Variants in ANKS1B observed in about 807,000 individuals in gnomAD.
ANKS1B encodes ankyrin repeat and sterile alpha motif domain containing 1B.
ANKS1B carries 36 observed loss-of-function variants against 148.3 expected under a neutral mutation model. The observed-to-expected ratio is 0.24, with a 90% CI of 0.19 to 0.32. The LOEUF (loss-of-function observed/expected upper bound fraction) is 0.32, where lower values mean the gene tolerates loss of function less well. ANKS1B is among the 10% of genes least tolerant of loss of function. The pLI is 1.00. For missense variants in ANKS1B, 1,157 were observed against 1,542.6 expected (o/e 0.75, Z 4.19); for synonymous variants, 542 against 560.8 (o/e 0.97, Z 0.47).
intron 8 of ANKS1B, among the ~76,000 whole-genome samples, chr12:99,709,977 A>C (rs117166700): frequency 0.052 from 7,952 of 152,172 alleles, 293 homozygotes; most frequent in Middle Eastern, 0.078. Context: ...TTCTTACTTC[A>C]TCCTCAGATG....
chr12:99,634,661 T>C (rs1351944164), intron 9 of ANKS1B, among the ~76,000 whole-genome samples: 6 of 152,168 alleles, frequency 3.9e-5, no homozygotes, highest in African/African-American at 1.4e-4. Flanking sequence ...AATCTAAAAC[T>C]GTAAAACTCT....
chr12:98,865,533 G>A (rs2099620025), intron 17 of ANKS1B, among the ~76,000 whole-genome samples: 1 of 152,282 alleles, frequency 6.6e-6, no homozygotes, highest in Non-Finnish European at 1.5e-5. Context: ...TATTCTAGCA[G>A]GGGAGAAGGA....
At chr12:99,503,746 T>C (rs2096678611) in intron 10 of ANKS1B, among the ~76,000 whole-genome samples, 1 of 152,022 alleles carries the variant, frequency 6.6e-6, no homozygotes, top group Non-Finnish European at 1.5e-5. Context: ...TATTCAAAAG[T>C]AAGTTGCGAC....
intron 12 of ANKS1B, among the ~76,000 whole-genome samples, chr12:99,268,424 T>A (rs2076680924): frequency 6.6e-6 from 1 of 152,168 alleles, no homozygotes; most frequent in Non-Finnish European, 1.5e-5. Flanking sequence ...CTTGGTTGAG[T>A]GAAAATCAGA....
chr12:99,630,572 C>T (rs913827444), intron 9 of ANKS1B, among the ~76,000 whole-genome samples: 3 of 152,206 alleles, frequency 2.0e-5, no homozygotes, highest in African/African-American at 7.2e-5. Context: ...TGAGTTTTCT[C>T]ATTTAAAAGG....
At chr12:99,539,370 TG>T (rs2097103595) in intron 9 of ANKS1B, among the ~76,000 whole-genome samples, 1 of 152,184 alleles carries the variant, frequency 6.6e-6, no homozygotes, top group Admixed American at 6.5e-5. Context: ...GAGGAAATAT[TG>T]GGGCAAAGTT....
At chr12:99,256,130 A>T (rs536675910) in intron 12 of ANKS1B, among the ~76,000 whole-genome samples, 1 of 152,056 alleles carries the variant, frequency 6.6e-6, no homozygotes, top group Admixed American at 6.6e-5. Context: ...CGTGCCTATA[A>T]TCCTAGCTAC....
chr12:99,259,184 C>A lies in ANKS1B; in HGVS notation c.1757-12320G>T, dbSNP rs1377352692. Among the ~76,000 whole-genome samples the A allele has an allele frequency of 2.0e-5, 3 of 152,188 alleles. No homozygotes were observed. In the East Asian group the frequency reaches 5.8e-4, roughly 29 times the overall value. On this transcript the variant is annotated intron_variant, in intron 12 of 26. Coordinates refer to ENST00000683438, the MANE Select transcript of ANKS1B (RefSeq NM_001352186.2). Reference sequence around the variant, plus strand: ...TACAATGCACCATCCACTGGAGTGTCCTATCCAAGTAGCACTGGAGCTTGA... The same window carrying A: ...TACAATGCACCATCCACTGGAGTGTACTATCCAAGTAGCACTGGAGCTTGA...
At chr12:99,402,893 G>A (rs1006268952) in intron 11 of ANKS1B, among the ~76,000 whole-genome samples, 5 of 144,888 alleles carry the variant, frequency 3.5e-5, no homozygotes, top group African/African-American at 7.9e-5. Context: ...AGGAATCACT[G>A]CATTCTCTTC....
chr12:98,887,732 T>C (rs1251718412), intron 17 of ANKS1B, among the ~76,000 whole-genome samples: 2 of 152,044 alleles, frequency 1.3e-5, no homozygotes, highest in Non-Finnish European at 2.9e-5. Context: ...CTCAGCCTCC[T>C]GAGTAGTTGG....
intron 10 of ANKS1B, among the ~76,000 whole-genome samples, chr12:99,481,293 C>G (rs946266153): frequency 6.6e-6 from 1 of 151,924 alleles, no homozygotes; most frequent in African/African-American, 2.4e-5. Context: ...GTTTCACACT[C>G]CTGTGTTACC....
At chr12:98,967,650 A>AGGGGAGGGGAGGGAAGG (rs1568078773) in intron 17 of ANKS1B, among the ~76,000 whole-genome samples, 1 of 18,928 alleles carries the variant, frequency 5.3e-5, no homozygotes, top group East Asian at 1.0e-3. Flanking sequence ...GGGAGGGAAG[A>AGGGGAGGGGAGGGAAGG]GGAGGGGAGA....
chr12:98,776,142 C>T (rs943205337), intron 24 of ANKS1B, among the ~76,000 whole-genome samples: 5 of 152,190 alleles, frequency 3.3e-5, no homozygotes, highest in African/African-American at 1.2e-4. Flanking sequence ...ATGGTGAAGC[C>T]AGTTCTCTAT....
intron 10 of ANKS1B, among the ~76,000 whole-genome samples, chr12:99,468,991 G>A (rs1217730561): frequency 2.6e-5 from 4 of 151,958 alleles, no homozygotes; most frequent in South Asian, 2.1e-4. Flanking sequence ...ACATGCACAC[G>A]TATGTTTATT....
intron 22 of ANKS1B, among the ~76,000 whole-genome samples, chr12:98,789,712 T>C (rs950364830): frequency 3.3e-5 from 5 of 152,084 alleles, no homozygotes; most frequent in Admixed American, 6.5e-5. Flanking sequence ...TTGAAAAGAA[T>C]TGGAAATGAC....
chr12:98,989,702 G>C (rs899378573), intron 17 of ANKS1B, among the ~76,000 whole-genome samples: 1 of 152,116 alleles, frequency 6.6e-6, no homozygotes, highest in African/African-American at 2.4e-5. Flanking sequence ...CACTTTGGGA[G>C]GCCAAGGTGG....
chr12:99,368,497 GATTTTC>G (rs1167448714), intron 12 of ANKS1B, among the ~76,000 whole-genome samples: 13 of 151,942 alleles, frequency 8.6e-5, no homozygotes, highest in African/African-American at 3.1e-4. Flanking sequence ...TAGAAACTAA[GATTTTC>G]ATTATAAAAG....
chr12:99,624,581 G>A (rs1205089291), intron 9 of ANKS1B, among the ~76,000 whole-genome samples: 1 of 152,052 alleles, frequency 6.6e-6, no homozygotes, highest in Non-Finnish European at 1.5e-5. Context: ...TAAAAAGTGG[G>A]CAAAGGAGAT....
At chr12:99,591,721 C>T (rs2153234373) in intron 9 of ANKS1B, among the ~76,000 whole-genome samples, 1 of 152,244 alleles carries the variant, frequency 6.6e-6, no homozygotes, top group South Asian at 2.1e-4. Flanking sequence ...CTTCCCCATT[C>T]CAGGCCCATA....
Sources: gnomAD v4.1 joint callset for allele counts (sites outside exome capture counted in the v4.1 genomes callset) on GRCh38, gnomAD v4.1.1 for gene constraint, MANE v1.5 for transcripts, NCBI Gene and HGNC (gene_info 2026-07-23, HGNC 2026-07-21) for gene names.